CFAP43: variants seen among roughly 807,000 people sequenced by gnomAD.
CFAP43 encodes cilia- and flagella-associated protein 43.
Under a neutral mutation model 218.9 loss-of-function variants are expected in CFAP43, and 155 were observed. The ratio of observed to expected loss-of-function variants is 0.71; its 90% CI spans 0.62 to 0.81. CFAP43 has a LOEUF of 0.81. Among genes scored for constraint, CFAP43 ranks in the 30% least tolerant of loss-of-function variants. The pLI is 0.00. For synonymous variants in CFAP43, 645 were observed against 681.3 expected (o/e 0.95, Z 0.83); for missense variants, 1,778 against 1,954.3 (o/e 0.91, Z 1.70).
chr10:104,198,075 T>C (rs1313085652), intron 8 of CFAP43, 37 bp from the exon 9 acceptor site: 5 of 1,262,566 alleles, frequency 4.0e-6, no homozygotes, highest in Non-Finnish European at 5.8e-6. Context: ...CACATTGTAA[T>C]TGTTGTGTAT....
chr10:104,173,401 TCAA>T (rs2089488256), intron 19 of CFAP43, among the ~76,000 whole-genome samples: 1 of 152,120 alleles, frequency 6.6e-6, no homozygotes, highest in African/African-American at 2.4e-5. Context: ...AGCACAGCAC[TCAA>T]CAACGAGTGG....
At chr10:104,218,265 G>A (rs966510628) in intron 3 of CFAP43, among the ~76,000 whole-genome samples, 2 of 149,796 alleles carry the variant, frequency 1.3e-5, no homozygotes, top group African/African-American at 4.9e-5. Context: ...GGAGAATGGC[G>A]TGAACCCGGG....
At chr10:104,130,532 T>C (rs931629266) in intron 37 of CFAP43, among the ~76,000 whole-genome samples, 4 of 152,028 alleles carry the variant, frequency 2.6e-5, no homozygotes, top group Non-Finnish European at 5.9e-5. Context: ...CATGGGACAC[T>C]ACACAGCCAT....
chr10:104,174,468 C>A (rs1368971393), intron 19 of CFAP43, among the ~76,000 whole-genome samples: 1 of 152,138 alleles, frequency 6.6e-6, no homozygotes, highest in Admixed American at 6.5e-5. Context: ...AGACCCGCCC[C>A]CATGATTCAA....
chr10:104,204,461 A>T (rs1347414150), intron 7 of CFAP43, among the ~76,000 whole-genome samples: 1 of 152,240 alleles, frequency 6.6e-6, no homozygotes, highest in Non-Finnish European at 1.5e-5. Flanking sequence ...GTTATAACTA[A>T]GCATGGGGAC....
intron 28 of CFAP43, among the ~76,000 whole-genome samples, chr10:104,150,651 G>T: frequency 6.6e-6 from 1 of 152,194 alleles, no homozygotes; most frequent in African/African-American, 2.4e-5. Context: ...CCCCTGCTTT[G>T]GTCAGACATC....
chr10:104,139,214 T>A (rs796876166), intron 34 of CFAP43, among the ~76,000 whole-genome samples: 2 of 152,292 alleles, frequency 1.3e-5, no homozygotes, highest in African/African-American at 4.8e-5. Flanking sequence ...GAGTATGGAA[T>A]ATCTAAGAGA....
chr10:104,183,610 C>T (rs916092687), intron 16 of CFAP43, among the ~76,000 whole-genome samples: 3 of 151,990 alleles, frequency 2.0e-5, no homozygotes, highest in Non-Finnish European at 4.4e-5. Context: ...AGGATGGTCT[C>T]GATCTCCTGA....
Position 104,232,321 on chromosome 10 carries a change from C to G in CFAP43, c.-75G>C. On this transcript the variant is annotated 5_prime_UTR_variant, in exon 1 of 38. Coordinates refer to ENST00000357060, the MANE Select transcript of CFAP43 (RefSeq NM_025145.7). ...GGCGGGTCGGTTACCTTTCCGCCGC[C>G]GCGGGGCTGCGGGCCGCGACGCCGC... is the stretch of plus-strand genomic sequence containing the variant. 5 of 1,409,492 alleles carry G rather than the reference C, an allele frequency of 3.5e-6. No individual in the cohort carries two copies. Among genetic ancestry groups the G allele is most frequent in the Non-Finnish European group, 4.7e-6 (5 of 1,066,432 alleles). 87.3% of individuals were successfully genotyped at this position (1,409,492 alleles called of 1,614,324 possible).
At chr10:104,227,941 G>C (rs2091348337) in intron 2 of CFAP43, among the ~76,000 whole-genome samples, 1 of 145,750 alleles carries the variant, frequency 6.9e-6, no homozygotes, top group South Asian at 2.2e-4. Context: ...CCGCCTCCCG[G>C]GTTCAAGCGA....
chr10:104,150,459 ACACATTTGC>A (rs1249381012), intron 28 of CFAP43, among the ~76,000 whole-genome samples: 1 of 152,132 alleles, frequency 6.6e-6, no homozygotes, highest in African/African-American at 2.4e-5. Context: ...TCTAATTACA[ACACATTTGC>A]CACTCCTTGC....
rs1039594837 is a variant in CFAP43, at chr10:104,230,625, C to T, written c.284G>A (p.Ser95Asn). 2 of 1,614,054 alleles carry T rather than the reference C, an allele frequency of 1.2e-6. No homozygotes were observed. The highest frequency in any genetic ancestry group is 1.7e-6 in the Non-Finnish European group (2 of 1,180,022). The change falls in exon 2 of 38, where the codon AGC becomes AAC. Residue 95 changes from serine to asparagine, a missense_variant. By Grantham distance (46) the Ser-to-Asn change is conservative. This residue lies in a region of CFAP43 where 1,553 missense variants were observed against 1,685.2 expected (regional missense o/e 0.92). Transcript: ENST00000357060. ...GGTCCTTCTGGTCAATCCTGGAAAG[C>T]TGTATACGTAGATGAGAGGTTTTAG... ...RKLKPLIYVY[S>N]FPGLTRRTKL...
Position 104,140,939 on chromosome 10 carries a change from C to G in CFAP43, c.4334G>C (p.Gly1445Ala), listed in dbSNP as rs2087678664. ...NLTIQILLKQ[G>A]QVELENFQLV... ...CTGGAAATTTTCCAGTTCTACTTGT[C>G]CTTGTTTAAGAAGAATTTGGATTGT... Residue 1445 changes from glycine to alanine, a missense_variant, in exon 34 of 38, where the codon GGA becomes GCA. Physicochemically the swap from Gly to Ala is moderately conservative, Grantham distance 60. Around this residue, in one of 3 missense-constraint regions of CFAP43, gnomAD observed 14 missense variants for 38.5 expected, o/e 0.36. Coordinates refer to ENST00000357060, the MANE Select transcript of CFAP43 (RefSeq NM_025145.7). 6.2e-7 allele frequency: 1 copy of G among 1,613,268 alleles called. No individual in the cohort carries two copies. Among genetic ancestry groups the G allele is most frequent in the African/African-American group, 1.3e-5 (1 of 74,884 alleles).
intron 2 of CFAP43, among the ~76,000 whole-genome samples, chr10:104,227,641 A>G (rs1589823860): frequency 6.6e-6 from 1 of 152,072 alleles, no homozygotes; most frequent in Admixed American, 6.5e-5. Flanking sequence ...AATGCTCTGA[A>G]AATATTTGAT....
intron 2 of CFAP43, among the ~76,000 whole-genome samples, chr10:104,227,202 T>C (rs1299504121): frequency 6.6e-6 from 1 of 152,196 alleles, no homozygotes; most frequent in Non-Finnish European, 1.5e-5. Flanking sequence ...ACTATATCCA[T>C]AATACTGGAG....
intron 5 of CFAP43, 117 bp from the exon 6 acceptor site, chr10:104,207,941 A>G: frequency 2.1e-6 from 2 of 950,724 alleles, no homozygotes; most frequent in East Asian, 2.7e-5. Context: ...GACGCAGAAA[A>G]CATAGGAACA....
chr10:104,217,344 CTTTCTTTCTT>C (rs2091042553), intron 3 of CFAP43, among the ~76,000 whole-genome samples: 2 of 119,810 alleles, frequency 1.7e-5, no homozygotes, highest in East Asian at 2.3e-4. Flanking sequence ...TCTTTTCTTT[CTTTCTTTCTT>C]TTTCTTTCTT....
intron 37 of CFAP43, among the ~76,000 whole-genome samples, chr10:104,130,730 G>A (rs1344982095): frequency 1.3e-5 from 2 of 152,140 alleles, no homozygotes; most frequent in Non-Finnish European, 2.9e-5. Context: ...AGGTGTGGTG[G>A]CTCACACCTG....
At chr10:104,227,297 T>C (rs368578364) in intron 2 of CFAP43, among the ~76,000 whole-genome samples, 8 of 152,292 alleles carry the variant, frequency 5.3e-5, no homozygotes, top group African/African-American at 1.4e-4. Context: ...TTTCTAACCA[T>C]TTCCTAAAAA....
Sources: gnomAD v4.1 joint callset for allele counts (sites outside exome capture counted in the v4.1 genomes callset) on GRCh38, gnomAD v4.1.1 for gene constraint, gnomAD v4.1.1 regional missense constraint, MANE v1.5 for transcripts, NCBI Gene and HGNC (gene_info 2026-07-23, HGNC 2026-07-21) for gene names.